The following HOOK3 variants were observed in gnomAD, a reference collection of about 807,000 sequenced individuals.
The protein encoded by HOOK3 is protein Hook homolog 3.
In HOOK3, 24 loss-of-function variants were observed where a neutral mutation model predicts 116.3. That is an observed-to-expected ratio of 0.21 (90% CI 0.15 to 0.29). The LOEUF is 0.29. Among genes scored for constraint, HOOK3 ranks in the 10% least tolerant of loss-of-function variants. The probability of loss-of-function intolerance (pLI) is 1.00; values close to 1 mark genes in which losing one functional copy is unlikely to be tolerated. For synonymous variants in HOOK3, 275 were observed against 283.0 expected (o/e 0.97, Z 0.28); for missense variants, 632 against 830.2 (o/e 0.76, Z 2.93).
intron 5 of HOOK3, among the ~76,000 whole-genome samples, chr8:42,946,503 T>C (rs1240927450): frequency 6.6e-6 from 1 of 152,054 alleles, no homozygotes. Context: ...CTATTACTTA[T>C]GTTGAAGACG....
At chr8:42,903,338 C>CTTTTTT (rs1164136399) in intron 1 of HOOK3, among the ~76,000 whole-genome samples, 19 of 87,604 alleles carry the variant, frequency 2.2e-4, no homozygotes, top group East Asian at 6.5e-4. Context: ...TAATAGTTGT[C>CTTTTTT]TTTTTTTTTT....
intron 1 of HOOK3, among the ~76,000 whole-genome samples, chr8:42,901,634 G>C (rs1385753017): frequency 6.6e-6 from 1 of 152,154 alleles, no homozygotes; most frequent in East Asian, 1.9e-4. Context: ...GGCTAATACA[G>C]AGAAAATAAT....
chr8:43,026,248 T>G lies in HOOK3; in HGVS notation c.*7750T>G, dbSNP rs1809931478. On this transcript the variant is annotated 3_prime_UTR_variant, in exon 22 of 22. Coordinates refer to ENST00000307602, the MANE Select transcript of HOOK3 (RefSeq NM_032410.4). ...TGTACATTCTATAGTGTGTGTATTT[T>G]ATTTAGTGTCTTAATATATAGTCTT... 5.0e-6 allele frequency: 1 copy of G among 199,454 alleles called. No homozygotes were observed. Among genetic ancestry groups the G allele is most frequent in the Admixed American group, 6.0e-5 (1 of 16,574 alleles). 12.4% of individuals were successfully genotyped at this position (199,454 alleles called of 1,614,324 possible).
chr8:42,932,739 T>A (rs564384387), intron 4 of HOOK3, among the ~76,000 whole-genome samples: 1 of 152,292 alleles, frequency 6.6e-6, no homozygotes, highest in Non-Finnish European at 1.5e-5. Flanking sequence ...CTAATTATAT[T>A]CATTACTACA....
At chr8:42,940,210 G>T (rs569138259) in intron 4 of HOOK3, among the ~76,000 whole-genome samples, 1 of 152,352 alleles carries the variant, frequency 6.6e-6, no homozygotes, top group South Asian at 2.1e-4. Flanking sequence ...CTGAGTGAAC[G>T]AGACTCCGTC....
At position 43,023,614 on chromosome 8, in the gene HOOK3, A is replaced by G. The variant is rs146282771; in HGVS notation, c.*5116A>G. ...ATTACAGGCATCTGCCACCACGCCC[A>G]GCTAATTTTTGTATTTTTACAAAAT... On this transcript the variant is annotated 3_prime_UTR_variant, in exon 22 of 22. Transcript: ENST00000307602. The G allele has an allele frequency of 1.3e-3, 224 of 171,848 alleles. No homozygotes were observed. Among genetic ancestry groups the G allele is most frequent in the African/African-American group, 4.9e-3 (206 of 42,130 alleles). 10.6% of individuals were successfully genotyped at this position (171,848 alleles called of 1,614,324 possible). A position where few individuals can be genotyped will look rare whatever the true frequency, so the allele number is the denominator to read the frequency against.
intron 2 of HOOK3, among the ~76,000 whole-genome samples, chr8:42,918,150 C>T (rs906879191): frequency 6.6e-6 from 1 of 152,110 alleles, no homozygotes; most frequent in Non-Finnish European, 1.5e-5. Context: ...CCAGCCTGGC[C>T]AACATGGTGA....
intron 9 of HOOK3, among the ~76,000 whole-genome samples, chr8:42,965,128 A>G (rs1808609861): frequency 6.6e-6 from 1 of 152,266 alleles, no homozygotes; most frequent in Admixed American, 6.5e-5. Context: ...GCGAGTTGAC[A>G]TGATCACCAG....
chr8:42,923,123 A>G (rs1367950263), intron 2 of HOOK3, among the ~76,000 whole-genome samples: 1 of 152,256 alleles, frequency 6.6e-6, no homozygotes, highest in Non-Finnish European at 1.5e-5. Context: ...CAGCATCATT[A>G]GCCATTAGGG....
intron 2 of HOOK3, among the ~76,000 whole-genome samples, chr8:42,920,855 G>T (rs929079083): frequency 1.5e-4 from 23 of 152,160 alleles, no homozygotes; most frequent in African/African-American, 5.3e-4. Context: ...TTGTGAATGC[G>T]CAGTGCCTGG....
At chr8:43,000,038 C>G (rs2130471216) in intron 16 of HOOK3, among the ~76,000 whole-genome samples, 1 of 152,220 alleles carries the variant, frequency 6.6e-6, no homozygotes, top group South Asian at 2.1e-4. Flanking sequence ...GTCCCAGCTA[C>G]TCGGGAAGCT....
At chr8:42,983,912 C>T (rs1397805092) in intron 14 of HOOK3, among the ~76,000 whole-genome samples, 1 of 152,088 alleles carries the variant, frequency 6.6e-6, no homozygotes, top group African/African-American at 2.4e-5. Flanking sequence ...CTATTTGCCC[C>T]TTTTCAAAAT....
chr8:42,907,682 A>T (rs1169841428), intron 2 of HOOK3, among the ~76,000 whole-genome samples: 1 of 152,106 alleles, frequency 6.6e-6, no homozygotes, highest in African/African-American at 2.4e-5. Context: ...TTTGAGTAGG[A>T]TCTTTATCAC....
At chr8:42,958,123 C>T (rs567552108) in intron 7 of HOOK3, among the ~76,000 whole-genome samples, 169 of 152,282 alleles carry the variant, frequency 1.1e-3, no homozygotes, top group African/African-American at 3.6e-3. Flanking sequence ...TGAGCCACCG[C>T]GCCCCGCCTA....
intron 17 of HOOK3, among the ~76,000 whole-genome samples, chr8:43,003,016 G>A (rs1809408817): frequency 6.6e-6 from 1 of 151,960 alleles, no homozygotes; most frequent in African/African-American, 2.4e-5. Context: ...ATCTTTAACT[G>A]AGGTTGACCA....
chr8:42,970,958 T>A (rs947859476), intron 11 of HOOK3, among the ~76,000 whole-genome samples: 1 of 151,950 alleles, frequency 6.6e-6, no homozygotes, highest in Non-Finnish European at 1.5e-5. Flanking sequence ...CAGCTAATTT[T>A]GTAATTTTTG....
At chr8:42,962,880 C>T (rs1808562520) in intron 8 of HOOK3, among the ~76,000 whole-genome samples, 1 of 147,778 alleles carries the variant, frequency 6.8e-6, no homozygotes. Flanking sequence ...TAGCTCACTG[C>T]AACTTCTGCC....
chr8:42,922,135 T>C (rs573747626), intron 2 of HOOK3, among the ~76,000 whole-genome samples: 2 of 152,352 alleles, frequency 1.3e-5, no homozygotes, highest in South Asian at 4.1e-4. Flanking sequence ...AGCTAAGTTA[T>C]GTAAAACTTT....
chr8:43,025,948 G>T lies in HOOK3; in HGVS notation c.*7450G>T. 4.8e-6 allele frequency: 1 copy of T among 209,176 alleles called. No individual in the cohort carries two copies. Among genetic ancestry groups the T allele is most frequent in the Non-Finnish European group, 9.7e-6 (1 of 102,880 alleles). The allele number at this position is 209,176 out of a possible 1,614,324, so 13.0% of individuals were successfully genotyped here. ...AGAGGTGTCCACGGCCTCAAAGTTT[G>T]GGCCCATGGGACTATCAAATCCGAA... On this transcript the variant is annotated 3_prime_UTR_variant, in exon 22 of 22. Transcript: ENST00000307602.
Sources: allele counts gnomAD v4.1 joint callset (sites outside exome capture counted in the v4.1 genomes callset), GRCh38; gene constraint gnomAD v4.1.1; transcripts MANE v1.5; gene names NCBI Gene and HGNC (gene_info 2026-07-23, HGNC 2026-07-21).